Variants in ITPR2 observed in about 807,000 individuals in gnomAD.
ITPR2 encodes the protein inositol 1,4,5-trisphosphate receptor type 2.
Under a neutral mutation model 317.1 loss-of-function variants are expected in ITPR2, and 207 were observed. That is an observed-to-expected ratio of 0.65 (90% CI 0.58 to 0.73). The LOEUF is 0.73. ITPR2 is among the 30% of genes least tolerant of loss of function. The probability of loss-of-function intolerance (pLI) is 0.00; values close to 1 mark genes in which losing one functional copy is unlikely to be tolerated. For synonymous variants in ITPR2, 1,156 were observed against 1,149.1 expected (o/e 1.01, Z -0.12); for missense variants, 2,613 against 3,284.0 (o/e 0.80, Z 4.99).
chr12:26,500,134 CAT>C (rs1555142896), intron 37 of ITPR2, among the ~76,000 whole-genome samples: 2 of 152,208 alleles, frequency 1.3e-5, no homozygotes, highest in Non-Finnish European at 2.9e-5. Flanking sequence ...CGGTGAGAGA[CAT>C]GTACTGTGTC....
At chr12:26,400,357 A>T in intron 52 of ITPR2, 99 bp from the exon 53 acceptor site, 4 of 532,098 alleles carry the variant, frequency 7.5e-6, no homozygotes, top group Non-Finnish European at 1.1e-5. Flanking sequence ...ATATACATAC[A>T]TATACATAAG....
intron 37 of ITPR2, among the ~76,000 whole-genome samples, chr12:26,543,552 T>C (rs776801651): frequency 6.6e-6 from 1 of 152,112 alleles, no homozygotes; most frequent in Non-Finnish European, 1.5e-5. Context: ...AGCAGGTGGA[T>C]TGCTTGAGGT....
At chr12:26,556,724 G>A (rs1299833255) in intron 35 of ITPR2, among the ~76,000 whole-genome samples, 2 of 149,894 alleles carry the variant, frequency 1.3e-5, no homozygotes, top group Non-Finnish European at 3.0e-5. Flanking sequence ...AGACATGAGA[G>A]GTACTCATTA....
At chr12:26,380,107 T>C (rs80324413) in intron 55 of ITPR2, among the ~76,000 whole-genome samples, 2,587 of 152,272 alleles carry the variant, frequency 0.017, 30 homozygotes, top group Non-Finnish European at 0.025. Context: ...TTGGTCCAAA[T>C]CCTTTTATCC....
chr12:26,735,221 C>A (rs559541263), intron 2 of ITPR2, among the ~76,000 whole-genome samples: 1 of 152,234 alleles, frequency 6.6e-6, no homozygotes, highest in African/African-American at 2.4e-5. Flanking sequence ...AGGCTGGTCT[C>A]GAACTCCTGA....
At position 26,663,684 on chromosome 12, in the gene ITPR2, C is replaced by G. The variant is rs1947554066; in HGVS notation, c.1713+1G>C. ...GTTTAAAATGGGGGCTACCCTCTGA[C>G]CTGATTTTTCCGGTAATCCTGCTGC... On this transcript the variant is annotated splice_donor_variant, in intron 15 of 56. Transcript: ENST00000381340. LOFTEE classifies it high-confidence loss of function. 1 of 1,609,194 alleles carries G rather than the reference C, an allele frequency of 6.2e-7. No individual in the cohort carries two copies. The highest frequency in any genetic ancestry group is 1.1e-5 in the South Asian group (1 of 89,914).
At chr12:26,749,848 G>A (rs1555185920) in intron 2 of ITPR2, among the ~76,000 whole-genome samples, 1 of 152,076 alleles carries the variant, frequency 6.6e-6, no homozygotes, top group Non-Finnish European at 1.5e-5. Context: ...TCATGTATGG[G>A]TTTCTTTTTC....
Position 26,631,987 on chromosome 12 carries a change from A to G in ITPR2, c.2813T>C (p.Ile938Thr). The G allele has an allele frequency of 6.2e-7, 1 of 1,613,460 alleles. No homozygotes were observed. Among genetic ancestry groups the G allele is most frequent in the Non-Finnish European group, 8.5e-7 (1 of 1,179,740 alleles). The part of the protein sequence containing the change: ...MTQMVLSRGS[I>T]FPMSVPDVPP... ...CACATCCGGCACGCTCATGGGGAAG[A>G]TGGAGCCTCTACTGAGTACCATCTG... The change falls in exon 22 of 57, where the codon ATC becomes ACC. Residue 938 changes from isoleucine (I) to threonine (T), a missense_variant. Coordinates refer to ENST00000381340, the MANE Select transcript of ITPR2 (RefSeq NM_002223.4).
intron 21 of ITPR2, chr12:26,649,135 CAT>C (rs1054149062): frequency 6.6e-6 from 1 of 152,092 alleles, no homozygotes. Flanking sequence ...AGAACTCCCA[CAT>C]AGACTTTGCT....
intron 26 of ITPR2, among the ~76,000 whole-genome samples, chr12:26,608,099 C>T (rs189445854): frequency 2.9e-4 from 44 of 151,754 alleles, no homozygotes; most frequent in African/African-American, 1.0e-3. Flanking sequence ...CCAGCCTGGG[C>T]GACAGAGTGA....
At chr12:26,358,977 C>T (rs2136573742) in intron 55 of ITPR2, among the ~76,000 whole-genome samples, 1 of 152,368 alleles carries the variant, frequency 6.6e-6, no homozygotes, top group East Asian at 1.9e-4. Context: ...CATTGACAAC[C>T]CTACCCAGCA....
chr12:26,420,716 G>A (rs1940863610), intron 49 of ITPR2, among the ~76,000 whole-genome samples: 3 of 152,022 alleles, frequency 2.0e-5, no homozygotes, highest in African/African-American at 7.2e-5. Context: ...GTAGCATAAT[G>A]AATGTATTTA....
intron 37 of ITPR2, among the ~76,000 whole-genome samples, chr12:26,549,502 C>T (rs750420422): frequency 2.6e-4 from 40 of 151,932 alleles, no homozygotes; most frequent in Middle Eastern, 6.8e-3. Flanking sequence ...TAGTATTTAC[C>T]GAAACAGACC....
chr12:26,766,531 TA>T (rs1949722999), intron 2 of ITPR2, among the ~76,000 whole-genome samples: 1 of 152,192 alleles, frequency 6.6e-6, no homozygotes. Context: ...CCTTACCAGA[TA>T]AATTATTTGG....
At chr12:26,695,512 C>T in intron 10 of ITPR2, 94 bp downstream of exon 10, 1 of 1,027,458 alleles carries the variant, frequency 9.7e-7, no homozygotes, top group Admixed American at 1.8e-5. Flanking sequence ...CTCTGAGCCC[C>T]TAGTCTTCAA....
At chr12:26,644,286 A>G (rs1379001007) in intron 21 of ITPR2, among the ~76,000 whole-genome samples, 1 of 152,126 alleles carries the variant, frequency 6.6e-6, no homozygotes, top group Non-Finnish European at 1.5e-5. Context: ...TGTGTCCAGC[A>G]AAGCTGTGGG....
At chr12:26,470,137 T>G (rs1179914086) in intron 45 of ITPR2, among the ~76,000 whole-genome samples, 1 of 152,150 alleles carries the variant, frequency 6.6e-6, no homozygotes, top group Non-Finnish European at 1.5e-5. Context: ...TACTAAAACT[T>G]TCTCTGTGAC....
rs558228322 is a variant in ITPR2 at position 26,394,459 on chromosome 12, T to C, written c.7696+4417A>G. Among the ~76,000 whole-genome samples the C allele has an allele frequency of 1.6e-4, 24 of 152,238 alleles. No homozygotes were observed. In the South Asian group the frequency reaches 5.0e-3, roughly 32 times the overall value. On this transcript the variant is annotated intron_variant, in intron 54 of 56. Transcript: ENST00000381340. ...GAGAGAGGGCAGGAGTTCAACAGCGTAGGAATTGGGGCATTCCAAATGAAA... is the reference window on the plus strand; with the variant it reads ...GAGAGAGGGCAGGAGTTCAACAGCGCAGGAATTGGGGCATTCCAAATGAAA...
At chr12:26,572,825 G>T (rs1245555507) in intron 34 of ITPR2, among the ~76,000 whole-genome samples, 1 of 151,956 alleles carries the variant, frequency 6.6e-6, no homozygotes, top group Non-Finnish European at 1.5e-5. Flanking sequence ...TGGTAATAGT[G>T]GCAAATAAAA....
Sources: gnomAD v4.1 joint callset for allele counts (sites outside exome capture counted in the v4.1 genomes callset) on GRCh38, gnomAD v4.1.1 for gene constraint, MANE v1.5 for transcripts, NCBI Gene and HGNC (gene_info 2026-07-23, HGNC 2026-07-21) for gene names.